SH2D3C: variants seen among roughly 807,000 people sequenced by gnomAD.
SH2D3C encodes the protein SH2 domain containing 3C, also known as SH2 domain-containing protein 3C.
SH2D3C carries 25 observed loss-of-function variants against 75.2 expected under a neutral mutation model. The observed-to-expected ratio is 0.33, with a 90% confidence interval of 0.24 to 0.46. SH2D3C has a LOEUF of 0.46. Among genes scored for constraint, SH2D3C ranks in the 20% least tolerant of loss-of-function variants. The probability of loss-of-function intolerance (pLI) is 1.00; values close to 1 mark genes in which losing one functional copy is unlikely to be tolerated. For missense variants in SH2D3C, 933 were observed against 1,165.3 expected (o/e 0.80, Z 2.90); for synonymous variants, 450 against 473.7 (o/e 0.95, Z 0.65).
rs61761896 is a variant in SH2D3C, at chr9:127,745,037, C to A, written c.1327G>T (p.Ala443Ser). ...AGCTGGGGCTCACTGGAACGGCGGG[C>A]GACAGGGGAGGCAGGCAATGCTGTG... ...SATALPASPV[A>S]RRSSEPQLCP... The change falls in exon 7 of 12, where the codon GCC becomes TCC. Residue 443 changes from alanine (A) to serine (S), a missense_variant. Coordinates refer to ENST00000314830, the MANE Select transcript of SH2D3C (RefSeq NM_170600.3). The A allele has an allele frequency of 2.5e-5, 38 of 1,508,496 alleles. No homozygotes were observed. Among genetic ancestry groups the A allele is most frequent in the Admixed American group, 2.5e-4 (11 of 43,842 alleles). 93.4% of individuals were successfully genotyped at this position (1,508,496 alleles called of 1,614,324 possible). A position where few individuals can be genotyped will look rare whatever the true frequency, so the allele number is the denominator to read the frequency against.
intron 3 of SH2D3C, among the ~76,000 whole-genome samples, chr9:127,757,311 G>A (rs999754284): frequency 2.8e-5 from 4 of 144,184 alleles, no homozygotes; most frequent in South Asian, 2.2e-4. Flanking sequence ...TCCCTCTGTC[G>A]CCCGGTTGGA....
chr9:127,760,297 G>T (rs1235760592), intron 3 of SH2D3C, among the ~76,000 whole-genome samples: 1 of 152,152 alleles, frequency 6.6e-6, no homozygotes. Context: ...TCAGCACAGG[G>T]CGTTGCTTAG....
chr9:127,767,101 T>G, intron 2 of SH2D3C: 2 of 1,536,164 alleles, frequency 1.3e-6, no homozygotes, highest in Non-Finnish European at 1.7e-6. Flanking sequence ...CAGCACATTC[T>G]GCTCCCTCTC....
intron 2 of SH2D3C, chr9:127,762,388 C>A (rs1458216750): frequency 2.5e-6 from 3 of 1,187,780 alleles, no homozygotes; most frequent in South Asian, 1.3e-5. Flanking sequence ...GGAAACCCAA[C>A]TACCTCCTGG....
chr9:127,742,038 T>G, intron 8 of SH2D3C, 79 bp from the exon 9 acceptor site: 1 of 1,413,088 alleles, frequency 7.1e-7, no homozygotes, highest in Non-Finnish European at 9.5e-7. Context: ...TGCCTGTGGT[T>G]GGGCCGGGAG....
At chr9:127,772,363 C>T (rs982816862) in intron 2 of SH2D3C, among the ~76,000 whole-genome samples, 3 of 151,658 alleles carry the variant, frequency 2.0e-5, no homozygotes, top group Non-Finnish European at 2.9e-5. Context: ...GATGCCTCAG[C>T]CTCCTCAGTA....
In SH2D3C at chr9:127,739,513, A is replaced by AAAAAAAG. The variant is rs1355199466; in HGVS notation, c.2407+162_2407+168dup. Among the ~76,000 whole-genome samples, 1 of 152,160 alleles carries AAAAAAAG rather than the reference A, an allele frequency of 6.6e-6. No individual in the cohort carries two copies. Among genetic ancestry groups the AAAAAAAG allele is most frequent in the Non-Finnish European group, 1.5e-5 (1 of 68,012 alleles). ...CGACAGTGTGAGACTCCATCTCAAA[A>AAAAAAAG]AAAAAAGAAAAAAGAAAAGAAAAGA... On this transcript the variant is annotated intron_variant, in intron 11 of 11. Coordinates refer to ENST00000314830, the MANE Select transcript of SH2D3C (RefSeq NM_170600.3). The surrounding 1 kb of genome is among the most constrained non-coding windows in gnomAD (Gnocchi z 4.3).
intron 6 of SH2D3C, among the ~76,000 whole-genome samples, chr9:127,745,618 T>C (rs530281936): frequency 2.6e-5 from 4 of 151,886 alleles, no homozygotes; most frequent in South Asian, 2.1e-4. Context: ...ATTACAGTCA[T>C]GTGCCACAAC....
chr9:127,743,591 G>A (rs991236406), intron 7 of SH2D3C, among the ~76,000 whole-genome samples: 6 of 152,246 alleles, frequency 3.9e-5, no homozygotes, highest in African/African-American at 9.6e-5. Flanking sequence ...CCTGAAGCCC[G>A]GGCAGGGAAT....
At chr9:127,775,805 G>A (rs913847514) in intron 1 of SH2D3C, among the ~76,000 whole-genome samples, 5 of 152,040 alleles carry the variant, frequency 3.3e-5, no homozygotes, top group African/African-American at 1.2e-4. Context: ...GCAAGAGCCT[G>A]TCTCTAATAG....
chr9:127,749,320 G>C lies in SH2D3C; in HGVS notation c.1030C>G (p.Pro344Ala), dbSNP rs1845126745. 1 of 1,612,362 alleles carries C rather than the reference G, an allele frequency of 6.2e-7. No individual in the cohort carries two copies. Among genetic ancestry groups the C allele is most frequent in the Non-Finnish European group, 8.5e-7 (1 of 1,179,398 alleles). The change falls in exon 5 of 12, where the codon CCC (proline) becomes GCC (alanine). Residue 344 changes from proline (P) to alanine (A), a missense_variant. Physicochemically the swap from Pro to Ala is conservative, Grantham distance 27. Transcript: ENST00000314830. The surrounding 1 kb of genome is among the most constrained non-coding windows in gnomAD (Gnocchi z 5.9). ...CCCTTGGGGCCTGAGGGGCTGACGG[G>C]GCTAGCAGGCTTGCTACTCCCCTGT... ...LGQGSSKPASPVSPSGPKGSH... is the reference protein window; with the variant it reads ...LGQGSSKPASAVSPSGPKGSH...
Position 127,757,257 on chromosome 9 carries a change from T to C in SH2D3C, c.555+4354A>G, listed in dbSNP as rs116552683. The stretch of plus-strand genomic sequence containing the variant: ...TTTTGGAACCCAACTATTGATTCCT[T>C]TTAACCCTCATTTGATTTTTTTTTT... On this transcript the variant is annotated intron_variant, in intron 3 of 11. Transcript: ENST00000314830. Among the ~76,000 whole-genome samples the C allele has an allele frequency of 5.2e-3, 781 of 149,230 alleles. 5 individuals carry two copies. The highest frequency in any genetic ancestry group is 0.024 in the South Asian group (112 of 4,676).
chr9:127,767,219 A>T (rs1386678869), intron 2 of SH2D3C: 4 of 1,511,546 alleles, frequency 2.6e-6, no homozygotes. Context: ...CATTCTTCCC[A>T]GAGCGGAGCT....
chr9:127,748,007 G>A (rs1564413819), intron 5 of SH2D3C, among the ~76,000 whole-genome samples: 1 of 152,300 alleles, frequency 6.6e-6, no homozygotes, highest in Non-Finnish European at 1.5e-5. Flanking sequence ...CCAAGGAGGA[G>A]AGGATGGGAA....
At chr9:127,758,376 T>C (rs1420010157) in intron 3 of SH2D3C, among the ~76,000 whole-genome samples, 1 of 145,930 alleles carries the variant, frequency 6.9e-6, no homozygotes, top group Non-Finnish European at 1.5e-5. Context: ...TTTACAATGT[T>C]AAAAAAAAAA....
In SH2D3C at chr9:127,738,351, T is replaced by G. The variant is rs914316503; in HGVS notation, c.*395A>C. 8 of 159,742 alleles carry G rather than the reference T, an allele frequency of 5.0e-5. No homozygotes were observed. Among genetic ancestry groups the G allele is most frequent in the Middle Eastern group, 6.3e-3 (2 of 320 alleles). 9.9% of individuals were successfully genotyped at this position (159,742 alleles called of 1,614,324 possible). ...ATAAAAGTTTATTATATGAAAGAAA[T>G]AACATGGCTTCTGTACATCTATTTA... is the stretch of plus-strand genomic sequence containing the variant. On this transcript the variant is annotated 3_prime_UTR_variant, in exon 12 of 12. Transcript: ENST00000314830. This position sits in a 1 kb window ranked among gnomAD's most constrained non-coding sequence, Gnocchi z 5.0.
Position 127,744,827 on chromosome 9 carries a change from T to C in SH2D3C, c.1537A>G (p.Thr513Ala). Residue 513 changes from threonine to alanine, a missense_variant, in exon 7 of 12, where the codon ACC becomes GCC. Physicochemically the swap from Thr to Ala is moderately conservative, Grantham distance 58. Transcript: ENST00000314830. ...TAGCTCCTGGCCTGCTGGCTGGAGG[T>C]CTCAGTCGCTGCCCACTCTCGGCTG... is the stretch of plus-strand genomic sequence containing the variant. Reference protein sequence around the residue: ...RGSREWAATETSSQQARSYGE... With the variant: ...RGSREWAATEASSQQARSYGE... 6.2e-7 allele frequency: 1 copy of C among 1,613,976 alleles called. No individual in the cohort carries two copies. The highest frequency in any genetic ancestry group is 1.1e-5 in the South Asian group (1 of 91,072).
chr9:127,760,450 A>G (rs1415989955), intron 3 of SH2D3C, among the ~76,000 whole-genome samples: 1 of 152,118 alleles, frequency 6.6e-6, no homozygotes, highest in Non-Finnish European at 1.5e-5. Context: ...TATGTGGTGT[A>G]GGGGGCTAGG....
Position 127,749,314 on chromosome 9 carries a change from T to C in SH2D3C, c.1036A>G (p.Ser346Gly). The C allele has an allele frequency of 6.2e-7, 1 of 1,611,932 alleles. No homozygotes were observed. Among genetic ancestry groups the C allele is most frequent in the Admixed American group, 1.7e-5 (1 of 60,004 alleles). The change falls in exon 5 of 12, where the codon AGC becomes GGC. Residue 346 changes from serine to glycine, a missense_variant. Physicochemically the swap from Ser to Gly is moderately conservative, Grantham distance 56. Coordinates refer to ENST00000314830, the MANE Select transcript of SH2D3C (RefSeq NM_170600.3). The surrounding 1 kb of genome is among the most constrained non-coding windows in gnomAD (Gnocchi z 5.9). ...QGSSKPASPV[S>G]PSGPKGSHMK... The stretch of plus-strand genomic sequence containing the variant: ...TGGCTGCCCTTGGGGCCTGAGGGGC[T>C]GACGGGGCTAGCAGGCTTGCTACTC...
Sources: gnomAD v4.1 joint callset for allele counts (sites outside exome capture counted in the v4.1 genomes callset) on GRCh38, gnomAD v4.1.1 for gene constraint, Gnocchi (gnomAD v3.1) non-coding constraint, MANE v1.5 for transcripts, NCBI Gene and HGNC (gene_info 2026-07-23, HGNC 2026-07-21) for gene names.